VOPP1: variants seen among roughly 807,000 people sequenced by gnomAD.
The protein encoded by VOPP1 is WW domain binding protein VOPP1.
VOPP1 carries 8 observed loss-of-function variants against 23.5 expected under a neutral mutation model. The observed-to-expected ratio is 0.34, with a 90% CI of 0.20 to 0.61. VOPP1 has a LOEUF of 0.61. Ranked by LOEUF, VOPP1 falls within the 20% of genes least tolerant of loss-of-function variation. The pLI, the probability that VOPP1 is intolerant of heterozygous loss-of-function variation, is 0.78. For synonymous variants in VOPP1, 83 were observed against 97.3 expected, an observed-to-expected ratio of 0.85 and a Z score of 0.86; for missense variants, 174 against 238.1, an observed-to-expected ratio of 0.73 and a Z score of 1.77.
chr7:55,552,612 G>A, intron 1 of VOPP1: 2 of 1,535,862 alleles, frequency 1.3e-6, no homozygotes, highest in Non-Finnish European at 1.7e-6. Context: ...AGAAAGTGCT[G>A]GAACCAGGTC....
intron 1 of VOPP1, among the ~76,000 whole-genome samples, chr7:55,568,050 CTT>C (rs1268246809): frequency 2.7e-5 from 4 of 149,422 alleles, no homozygotes; most frequent in Non-Finnish European, 5.9e-5. Context: ...ATAATGTCCA[CTT>C]TGCAACCCTC....
At chr7:55,541,878 T>C (rs1361435848) in intron 1 of VOPP1, among the ~76,000 whole-genome samples, 2 of 151,720 alleles carry the variant, frequency 1.3e-5, no homozygotes, top group South Asian at 2.1e-4. Flanking sequence ...AGACAGAGAG[T>C]AGATTAATGG....
intron 4 of VOPP1, among the ~76,000 whole-genome samples, chr7:55,458,275 T>G (rs990453780): frequency 3.9e-5 from 6 of 152,160 alleles, no homozygotes; most frequent in African/African-American, 1.4e-4. Context: ...TCTGTTCCAT[T>G]GGTCTGTGTG....
chr7:55,536,818 C>T lies in VOPP1; in HGVS notation c.55-15688G>A, dbSNP rs138953501. ...GCAGCGCATCTGCCACACGGAAGGGCGCACCGTACCCAGTCTGGTTGAGGT... is the reference window on the plus strand; with the variant it reads ...GCAGCGCATCTGCCACACGGAAGGGTGCACCGTACCCAGTCTGGTTGAGGT... On this transcript the variant is annotated intron_variant, in intron 1 of 4. Transcript: ENST00000285279. Among the ~76,000 whole-genome samples the T allele has an allele frequency of 1.8e-3, 267 of 152,262 alleles. 1 individual carries two copies. The highest frequency in any genetic ancestry group is 2.4e-3 in the Non-Finnish European group (164 of 68,034).
At chr7:55,562,004 T>C (rs1377311258) in intron 1 of VOPP1, 1 of 703,648 alleles carries the variant, frequency 1.4e-6, no homozygotes, top group Non-Finnish European at 2.6e-6. Context: ...TCTGCTGTAC[T>C]GGATGAAGAC....
chr7:55,561,858 G>C, intron 1 of VOPP1: 1 of 677,086 alleles, frequency 1.5e-6, no homozygotes, highest in South Asian at 1.6e-5. Flanking sequence ...TCATACCCAA[G>C]TGGACAATGA....
At chr7:55,560,529 G>T (rs1797951653) in intron 1 of VOPP1, among the ~76,000 whole-genome samples, 2 of 152,148 alleles carry the variant, frequency 1.3e-5, no homozygotes, top group Admixed American at 6.5e-5. Context: ...CTAGATGCTG[G>T]GACAGGCCAG....
intron 2 of VOPP1, among the ~76,000 whole-genome samples, chr7:55,498,435 G>GGCCCCTGC (rs796666890): frequency 6.6e-6 from 1 of 152,044 alleles, no homozygotes; most frequent in African/African-American, 2.4e-5. Flanking sequence ...CCTGAGCATG[G>GGCCCCTGC]GCAGGTGAGG....
At chr7:55,465,262 G>A (rs1791604606) in intron 4 of VOPP1, among the ~76,000 whole-genome samples, 2 of 152,140 alleles carry the variant, frequency 1.3e-5, no homozygotes, top group Non-Finnish European at 2.9e-5. Context: ...TGGGATGCTC[G>A]CAGATCTCAT....
At chr7:55,544,701 C>T (rs990898545) in intron 1 of VOPP1, among the ~76,000 whole-genome samples, 10 of 152,116 alleles carry the variant, frequency 6.6e-5, no homozygotes, top group African/African-American at 1.7e-4. Flanking sequence ...TGAAGGCTTC[C>T]GCAGAGTTGG....
At chr7:55,506,297 A>G (rs1471077057) in intron 2 of VOPP1, among the ~76,000 whole-genome samples, 1 of 152,136 alleles carries the variant, frequency 6.6e-6, no homozygotes, top group African/African-American at 2.4e-5. Context: ...CCTCACACTC[A>G]TCTCTCCCAA....
intron 1 of VOPP1, among the ~76,000 whole-genome samples, chr7:55,532,055 A>G (rs1384715778): frequency 6.6e-6 from 1 of 152,236 alleles, no homozygotes; most frequent in African/African-American, 2.4e-5. Flanking sequence ...TACCTATTTG[A>G]CTTCTATTTT....
At chr7:55,536,758 G>A (rs62454992) in intron 1 of VOPP1, among the ~76,000 whole-genome samples, 26,451 of 152,098 alleles carry the variant, frequency 0.17, 2,405 homozygotes, top group Middle Eastern at 0.23. Flanking sequence ...GGCACGGAGC[G>A]TGACCACAGG....
chr7:55,560,390 T>C (rs1404869766), intron 1 of VOPP1, among the ~76,000 whole-genome samples: 1 of 152,054 alleles, frequency 6.6e-6, no homozygotes, highest in Non-Finnish European at 1.5e-5. Context: ...GTAATTCAGG[T>C]GGGCCCAATG....
At chr7:55,512,794 C>T (rs1456603768) in intron 2 of VOPP1, among the ~76,000 whole-genome samples, 4 of 152,196 alleles carry the variant, frequency 2.6e-5, no homozygotes, top group Non-Finnish European at 5.9e-5. Flanking sequence ...GACTTCTGCA[C>T]AGAGGGGCCT....
At chr7:55,539,976 G>A (rs1019201679) in intron 1 of VOPP1, among the ~76,000 whole-genome samples, 1 of 147,934 alleles carries the variant, frequency 6.8e-6, no homozygotes, top group Non-Finnish European at 1.5e-5. Flanking sequence ...GAACACTCAT[G>A]AATTAAGACA....
intron 1 of VOPP1, among the ~76,000 whole-genome samples, chr7:55,564,092 G>A (rs1798073549): frequency 6.6e-6 from 1 of 152,176 alleles, no homozygotes; most frequent in African/African-American, 2.4e-5. Flanking sequence ...GTTTTACACA[G>A]CTGCCCTTAG....
chr7:55,508,875 CTA>C (rs1426569035), intron 2 of VOPP1, among the ~76,000 whole-genome samples: 1 of 152,026 alleles, frequency 6.6e-6, no homozygotes, highest in Non-Finnish European at 1.5e-5. Context: ...GATCCTGTCT[CTA>C]TAAAAAAATC....
intron 2 of VOPP1, among the ~76,000 whole-genome samples, chr7:55,512,986 C>T (rs1795180516): frequency 6.6e-6 from 1 of 152,240 alleles, no homozygotes; most frequent in African/African-American, 2.4e-5. Context: ...CACCTGTGAA[C>T]AGCACTTCAT....
Sources: allele counts gnomAD v4.1 joint callset (sites outside exome capture counted in the v4.1 genomes callset), GRCh38; gene constraint gnomAD v4.1.1; transcripts MANE v1.5; gene names NCBI Gene and HGNC (gene_info 2026-07-23, HGNC 2026-07-21).